The following SEMA3C variants were observed in gnomAD, a reference collection of about 807,000 sequenced individuals.
SEMA3C encodes the protein semaphorin-3C.
In SEMA3C, 47 loss-of-function variants were observed where a neutral mutation model predicts 89.4. That is an observed-to-expected ratio of 0.53 (90% CI 0.42 to 0.67). The LOEUF (loss-of-function observed/expected upper bound fraction) is 0.67. SEMA3C is among the 30% of genes least tolerant of loss of function. The pLI, the probability that SEMA3C is intolerant of heterozygous loss-of-function variation, is 0.00. For missense variants in SEMA3C, 839 were observed against 929.1 expected (o/e 0.90, Z 1.26); for synonymous variants, 310 against 320.2 (o/e 0.97, Z 0.34).
chr7:80,828,875 T>C, intron 2 of SEMA3C, 130 bp from the exon 3 acceptor site: 1 of 722,376 alleles, frequency 1.4e-6, no homozygotes, highest in Non-Finnish European at 2.1e-6. Context: ...AAGAAATTAA[T>C]TTTAAAATAG....
At chr7:80,849,840 T>C (rs944899755) in intron 2 of SEMA3C, among the ~76,000 whole-genome samples, 127 of 152,244 alleles carry the variant, frequency 8.3e-4, no homozygotes, top group African/African-American at 2.8e-3. Flanking sequence ...TATATAACAC[T>C]ACCATTATAT....
intron 12 of SEMA3C, among the ~76,000 whole-genome samples, chr7:80,787,211 G>A (rs374838417): frequency 1.1e-3 from 166 of 152,020 alleles, no homozygotes; most frequent in Middle Eastern, 3.4e-3. Context: ...GGCCAACATG[G>A]TGAAACCCTG....
At chr7:80,817,586 A>G (rs1161622235) in intron 5 of SEMA3C, among the ~76,000 whole-genome samples, 1 of 152,182 alleles carries the variant, frequency 6.6e-6, no homozygotes, top group Admixed American at 6.5e-5. Context: ...CTTAAGTAGC[A>G]CAGGTGAAGT....
chr7:80,916,749 TCCAA>T lies in SEMA3C; in HGVS notation c.29_32del (p.Val10GlufsTer9), dbSNP rs1792285829. 1 of 1,613,370 alleles carries T rather than the reference TCCAA, an allele frequency of 6.2e-7. No homozygotes were observed. Among genetic ancestry groups the T allele is most frequent in the African/African-American group, 1.3e-5 (1 of 74,838 alleles). On this transcript the variant is annotated frameshift_variant, in exon 2 of 18. Transcript: ENST00000265361. LOFTEE classifies it high-confidence loss of function. ...TCACACAGATAGAACAAATAAATAC[TCCAA>T]CCAACACGCAAATTGTCCGGAATGC...
At chr7:80,769,670 C>T (rs1489059302) in intron 12 of SEMA3C, among the ~76,000 whole-genome samples, 1 of 151,984 alleles carries the variant, frequency 6.6e-6, no homozygotes. Context: ...CCAGCCTGGC[C>T]AACATGGCGA....
intron 2 of SEMA3C, among the ~76,000 whole-genome samples, chr7:80,898,609 GC>G (rs1365963509): frequency 6.6e-6 from 1 of 152,090 alleles, no homozygotes; most frequent in African/African-American, 2.4e-5. Context: ...TAGTCCTGCA[GC>G]TCACAGGACA....
chr7:80,814,140 G>A (rs1789542103), intron 5 of SEMA3C, among the ~76,000 whole-genome samples: 1 of 147,538 alleles, frequency 6.8e-6, no homozygotes, highest in African/African-American at 2.5e-5. Context: ...CCAGGCTGGA[G>A]TTCAGTGGCC....
chr7:80,789,422 G>T lies in SEMA3C; in HGVS notation c.1238C>A (p.Pro413Gln). 6.2e-7 allele frequency: 1 copy of T among 1,614,004 alleles called. No homozygotes were observed. The highest frequency in any genetic ancestry group is 8.5e-7 in the Non-Finnish European group (1 of 1,179,928). Residue 413 changes from proline (P) to glutamine (Q), a missense_variant, in exon 12 of 18, where the codon CCA (proline) becomes CAA (glutamine). Physicochemically the swap from Pro to Gln is moderately conservative, Grantham distance 76. Coordinates refer to ENST00000265361, the MANE Select transcript of SEMA3C (RefSeq NM_006379.5). ...AACAATCAAAGGCCTTTTGTGGATT[G>T]GGTAGATGGAATTGTACATGAGAGG... Reference protein sequence around the residue: ...NHPLMYNSIYPIHKRPLIVRI... With the variant: ...NHPLMYNSIYQIHKRPLIVRI...
chr7:80,919,432 T>C (rs1792366164), upstream of SEMA3C: 1 of 944,826 alleles, frequency 1.1e-6, no homozygotes. Context: ...AGGCTTTGCC[T>C]GGCCGTAAAT....
intron 2 of SEMA3C, among the ~76,000 whole-genome samples, chr7:80,906,080 T>C (rs1483867845): frequency 1.3e-5 from 2 of 152,128 alleles, no homozygotes; most frequent in East Asian, 3.9e-4. Context: ...TTTTCTCTTA[T>C]CGATCCATAA....
intron 3 of SEMA3C, among the ~76,000 whole-genome samples, chr7:80,827,886 A>G (rs897690097): frequency 2.6e-5 from 4 of 152,148 alleles, no homozygotes; most frequent in African/African-American, 7.2e-5. Context: ...AAATCACACA[A>G]CCAGGCTAGT....
intron 12 of SEMA3C, 64 bp from the exon 13 acceptor site, chr7:80,765,307 A>C: frequency 8.5e-7 from 1 of 1,182,624 alleles, no homozygotes; most frequent in East Asian, 2.4e-5. Flanking sequence ...ATTTAGACAT[A>C]GGACTACTGA....
chr7:80,918,261 G>C (rs776589173), intron 1 of SEMA3C: 1 of 152,212 alleles, frequency 6.6e-6, no homozygotes. Flanking sequence ...TGAGCAAGTT[G>C]ATATTATTTA....
intron 11 of SEMA3C, among the ~76,000 whole-genome samples, chr7:80,790,052 A>C (rs1788899904): frequency 6.6e-6 from 1 of 152,134 alleles, no homozygotes; most frequent in Admixed American, 6.6e-5. Context: ...TGGGAGGCTG[A>C]GATGAGAGGA....
intron 1 of SEMA3C, among the ~76,000 whole-genome samples, 180 bp from the exon 2 acceptor site, chr7:80,916,999 T>C (rs1282091825): frequency 1.3e-5 from 2 of 152,192 alleles, no homozygotes; most frequent in Non-Finnish European, 2.9e-5. Context: ...ATTTGATTCA[T>C]TTGTGTCTGG....
intron 16 of SEMA3C, among the ~76,000 whole-genome samples, chr7:80,750,851 G>A (rs886579213): frequency 1.3e-5 from 2 of 152,002 alleles, no homozygotes; most frequent in African/African-American, 4.8e-5. Context: ...TATGCTTAAT[G>A]CCACAGAACT....
intron 12 of SEMA3C, among the ~76,000 whole-genome samples, chr7:80,776,896 A>C (rs2117084002): frequency 6.6e-6 from 1 of 152,300 alleles, no homozygotes; most frequent in African/African-American, 2.4e-5. Flanking sequence ...TAGTGAACAG[A>C]ACAGTATTGG....
intron 2 of SEMA3C, among the ~76,000 whole-genome samples, chr7:80,835,904 A>C (rs2115851284): frequency 6.6e-6 from 1 of 152,352 alleles, no homozygotes; most frequent in East Asian, 1.9e-4. Flanking sequence ...AGTAAAGACT[A>C]AAAGAGGCAA....
At chr7:80,916,051 C>G (rs1023618648) in intron 2 of SEMA3C, among the ~76,000 whole-genome samples, 2 of 152,114 alleles carry the variant, frequency 1.3e-5, no homozygotes, top group East Asian at 1.9e-4. Context: ...GACCTTGCAC[C>G]TTTTATGTAT....
Sources: allele counts gnomAD v4.1 joint callset (sites outside exome capture counted in the v4.1 genomes callset), GRCh38; gene constraint gnomAD v4.1.1; transcripts MANE v1.5; gene names NCBI Gene and HGNC (gene_info 2026-07-23, HGNC 2026-07-21).